Variants in MGAT4C observed in about 807,000 individuals in gnomAD.
MGAT4C encodes MGAT4 family member C.
Under a neutral mutation model 40.1 loss-of-function variants are expected in MGAT4C, and 19 were observed. The observed-to-expected ratio is 0.47, with a 90% CI of 0.33 to 0.70. The LOEUF (loss-of-function observed/expected upper bound fraction) is 0.70, where lower values mean the gene tolerates loss of function less well. MGAT4C is among the 30% of genes least tolerant of loss of function. MGAT4C has a pLI of 0.02. For synonymous variants in MGAT4C, 181 were observed against 187.1 expected (o/e 0.97, Z 0.27); for missense variants, 491 against 563.2 (o/e 0.87, Z 1.30).
intron 1 of MGAT4C, among the ~76,000 whole-genome samples, chr12:86,164,112 G>T (rs968529064): frequency 5.3e-5 from 8 of 152,132 alleles, no homozygotes; most frequent in Non-Finnish European, 1.0e-4. Context: ...AGATGCCTTT[G>T]AGAGTAAATC....
chr12:86,584,035 A>C (rs529854505), intron 2 of MGAT4C, among the ~76,000 whole-genome samples: 1 of 150,954 alleles, frequency 6.6e-6, no homozygotes, highest in East Asian at 1.9e-4. Context: ...TAATTGGCTC[A>C]TAGATAAGGA....
intron 3 of MGAT4C, among the ~76,000 whole-genome samples, chr12:86,337,791 T>G (rs1463479525): frequency 6.6e-6 from 1 of 152,148 alleles, no homozygotes; most frequent in Non-Finnish European, 1.5e-5. Context: ...GCTTTTTAAC[T>G]GTTATCTGAA....
chr12:86,397,940 G>A (rs563614055), intron 3 of MGAT4C, among the ~76,000 whole-genome samples: 116 of 152,298 alleles, frequency 7.6e-4, no homozygotes, highest in African/African-American at 2.6e-3. Context: ...TGCAGCCTGA[G>A]TGACAGAGAT....
At chr12:86,343,611 AT>A (rs1954948300) in intron 3 of MGAT4C, among the ~76,000 whole-genome samples, 1 of 152,216 alleles carries the variant, frequency 6.6e-6, no homozygotes, top group Non-Finnish European at 1.5e-5. Context: ...TGAGAAATGC[AT>A]TGTGTAAAAC....
intron 1 of MGAT4C, among the ~76,000 whole-genome samples, chr12:86,819,530 T>A (rs1224179983): frequency 6.6e-6 from 1 of 150,988 alleles, no homozygotes; most frequent in East Asian, 1.9e-4. Flanking sequence ...ATAAGTGGTG[T>A]ATGAAAAATA....
chr12:85,978,266 A>G lies in MGAT4C; in HGVS notation c.*1023T>C, dbSNP rs750433533. The G allele has an allele frequency of 6.6e-6, 1 of 151,676 alleles. No homozygotes were observed. Among genetic ancestry groups the G allele is most frequent in the Non-Finnish European group, 1.5e-5 (1 of 67,674 alleles). The allele number at this position is 151,676 out of a possible 1,614,324, so 9.4% of individuals were successfully genotyped here. ...ACGAGAAAAAGAGCATTGTCTGGTT[A>G]TCAGAATATCAGATCTCTCATTCTG... is the stretch of plus-strand genomic sequence containing the variant. On this transcript the variant is annotated 3_prime_UTR_variant, in exon 5 of 5. Coordinates refer to ENST00000611864, the MANE Select transcript of MGAT4C (RefSeq NM_001351288.2).
chr12:86,141,384 C>T (rs751117788), intron 1 of MGAT4C, among the ~76,000 whole-genome samples: 30 of 152,060 alleles, frequency 2.0e-4, no homozygotes, highest in Middle Eastern at 3.4e-3. Flanking sequence ...TTCATTTTTT[C>T]AAAATAACTT....
intron 2 of MGAT4C, among the ~76,000 whole-genome samples, chr12:86,577,423 T>C (rs1285482007): frequency 1.3e-5 from 2 of 151,834 alleles, no homozygotes; most frequent in Non-Finnish European, 2.9e-5. Context: ...CCCCTTTCAG[T>C]ATAATACTAG....
At chr12:86,824,831 G>A (rs1352968665) in intron 1 of MGAT4C, among the ~76,000 whole-genome samples, 1 of 148,694 alleles carries the variant, frequency 6.7e-6, no homozygotes, top group Non-Finnish European at 1.5e-5. Context: ...GCCAATCTTG[G>A]AATTCTTTTG....
intron 2 of MGAT4C, among the ~76,000 whole-genome samples, chr12:86,589,087 C>T (rs990985225): frequency 6.6e-6 from 1 of 151,238 alleles, no homozygotes; most frequent in East Asian, 2.0e-4. Context: ...ACACAAAAAA[C>T]CCTTCAAAAA....
rs60995831 is a variant in MGAT4C, at chr12:86,111,539, G to A, written c.-56-61816C>T. On this transcript the variant is annotated intron_variant, in intron 1 of 4. Coordinates refer to ENST00000611864, the MANE Select transcript of MGAT4C (RefSeq NM_001351288.2). ...TCTATTTAATTATTTTAGAGAAAGAGATTTTAAAAAATATTTTAAACAAAA... is the reference window on the plus strand; with the variant it reads ...TCTATTTAATTATTTTAGAGAAAGAAATTTTAAAAAATATTTTAAACAAAA... 0.022 allele frequency among the ~76,000 whole-genome samples: 3,354 copies of A among 151,774 alleles called. 262 individuals are homozygous for A. The East Asian group carries it at 0.28, about 13-fold the overall frequency.
chr12:86,253,225 AATTT>A (rs1952375210), intron 1 of MGAT4C, among the ~76,000 whole-genome samples: 1 of 151,896 alleles, frequency 6.6e-6, no homozygotes. Context: ...CAACAACAAG[AATTT>A]TTTTACATTG....
At chr12:86,775,840 T>C (rs1010481533) in intron 1 of MGAT4C, among the ~76,000 whole-genome samples, 2 of 133,758 alleles carry the variant, frequency 1.5e-5, no homozygotes, top group African/African-American at 5.4e-5. Flanking sequence ...TCTTCTTTTT[T>C]ACCCTGAAAT....
chr12:86,137,441 T>C (rs1882131457), intron 1 of MGAT4C, among the ~76,000 whole-genome samples: 1 of 152,208 alleles, frequency 6.6e-6, no homozygotes, highest in South Asian at 2.1e-4. Context: ...TATATGACTT[T>C]GTCAGGCTCC....
intron 2 of MGAT4C, among the ~76,000 whole-genome samples, chr12:86,470,824 T>G (rs1481053609): frequency 6.6e-6 from 1 of 152,110 alleles, no homozygotes; most frequent in Non-Finnish European, 1.5e-5. Flanking sequence ...CATAAATATG[T>G]TATTTTCTCT....
chr12:86,627,201 C>T (rs1014393449), intron 2 of MGAT4C, among the ~76,000 whole-genome samples: 2 of 152,056 alleles, frequency 1.3e-5, no homozygotes, highest in Admixed American at 6.6e-5. Flanking sequence ...CTTGAGTAGG[C>T]AAACAAGGTG....
chr12:86,040,794 G>A (rs772741558), intron 2 of MGAT4C, among the ~76,000 whole-genome samples: 1 of 152,176 alleles, frequency 6.6e-6, no homozygotes, highest in Non-Finnish European at 1.5e-5. Context: ...GCTGAGTTTT[G>A]TGCTGTAATC....
chr12:86,467,642 T>A (rs534519417), intron 2 of MGAT4C, among the ~76,000 whole-genome samples: 7 of 152,260 alleles, frequency 4.6e-5, no homozygotes, highest in African/African-American at 1.7e-4. Context: ...AAATGCAGAT[T>A]TTCAGATGGA....
At chr12:86,350,433 A>C (rs1955133385) in intron 3 of MGAT4C, among the ~76,000 whole-genome samples, 1 of 152,166 alleles carries the variant, frequency 6.6e-6, no homozygotes, top group African/African-American at 2.4e-5. Flanking sequence ...ATGCTTAACA[A>C]ATAACTAAAT....
Sources: allele counts gnomAD v4.1 joint callset (sites outside exome capture counted in the v4.1 genomes callset), GRCh38; gene constraint gnomAD v4.1.1; transcripts MANE v1.5; gene names NCBI Gene and HGNC (gene_info 2026-07-23, HGNC 2026-07-21).